Variants in PTPRZ1 observed in about 807,000 individuals in gnomAD.
PTPRZ1 encodes receptor-type tyrosine-protein phosphatase zeta.
In PTPRZ1, 82 loss-of-function variants were observed where a neutral mutation model predicts 214.1. The observed-to-expected ratio is 0.38, with a 90% confidence interval of 0.32 to 0.46. The LOEUF is 0.46. PTPRZ1 is among the 20% of genes least tolerant of loss of function. The pLI is 1.00. For synonymous variants in PTPRZ1, 945 were observed against 987.9 expected (o/e 0.96, Z 0.81); for missense variants, 2,603 against 2,748.7 (o/e 0.95, Z 1.19).
At position 121,967,930 on chromosome 7, in the gene PTPRZ1, C is replaced by G. The variant is rs960542400; in HGVS notation, c.125-21C>G. On this transcript the variant is annotated intron_variant, in intron 2 of 29. Transcript: ENST00000393386. ...CATGGTAATTTAAGAAACTAAATTT[C>G]TTACTCCTTCTTTTCCCTAGGAGCA... The G allele has an allele frequency of 2.0e-6, 3 of 1,497,578 alleles. No individual in the cohort carries two copies. In the African/African-American group the frequency reaches 4.3e-5, roughly 21 times the overall value. The allele number at this position is 1,497,578 out of a possible 1,614,324, so 92.8% of individuals were successfully genotyped here.
At chr7:121,881,222 C>A (rs1230457347) in intron 1 of PTPRZ1, among the ~76,000 whole-genome samples, 1 of 152,186 alleles carries the variant, frequency 6.6e-6, no homozygotes, top group Non-Finnish European at 1.5e-5. Flanking sequence ...CATCTGCAAT[C>A]CAGAAAGAGA....
chr7:122,047,674 G>C (rs933762827), intron 23 of PTPRZ1, among the ~76,000 whole-genome samples: 1 of 150,372 alleles, frequency 6.7e-6, no homozygotes, highest in Non-Finnish European at 1.5e-5. Flanking sequence ...TCTGAGACAG[G>C]GTCTCACTCT....
chr7:122,022,861 G>T (rs1214512108), intron 13 of PTPRZ1, among the ~76,000 whole-genome samples: 1 of 152,140 alleles, frequency 6.6e-6, no homozygotes, highest in Non-Finnish European at 1.5e-5. Flanking sequence ...GTCTGGTACT[G>T]CCATAAGAAT....
chr7:121,887,437 A>T (rs1474831794), intron 1 of PTPRZ1, among the ~76,000 whole-genome samples: 1 of 152,088 alleles, frequency 6.6e-6, no homozygotes, highest in East Asian at 1.9e-4. Flanking sequence ...TTCACCCTCA[A>T]ATTCACTCAA....
intron 10 of PTPRZ1, among the ~76,000 whole-genome samples, chr7:122,003,783 G>A (rs983027350): frequency 2.6e-5 from 4 of 152,172 alleles, no homozygotes; most frequent in South Asian, 2.1e-4. Context: ...TTCTCTGGCC[G>A]CTCAGTAACG....
chr7:122,017,579 T>TTTATTTATTTA (rs1343590297), intron 12 of PTPRZ1, among the ~76,000 whole-genome samples: 1 of 55,668 alleles, frequency 1.8e-5, no homozygotes, highest in South Asian at 5.9e-4. Flanking sequence ...TTATTTATTT[T>TTTATTTATTTA]GAGATAGAGT....
At chr7:121,952,115 T>A (rs1369774477) in intron 2 of PTPRZ1, among the ~76,000 whole-genome samples, 2 of 151,934 alleles carry the variant, frequency 1.3e-5, no homozygotes, top group East Asian at 3.9e-4. Context: ...CCCACCACCA[T>A]GCCTGGCTAA....
At chr7:121,923,701 G>GA (rs1012024403) in intron 1 of PTPRZ1, among the ~76,000 whole-genome samples, 1 of 151,122 alleles carries the variant, frequency 6.6e-6, no homozygotes, top group South Asian at 2.1e-4. Flanking sequence ...TAACTTGGTG[G>GA]GGGGGTGGTA....
At chr7:122,044,594 A>T in intron 23 of PTPRZ1, 26 bp downstream of exon 23, 1 of 1,608,946 alleles carries the variant, frequency 6.2e-7, no homozygotes, top group South Asian at 1.1e-5. Context: ...AGCCTCTTGG[A>T]TGTCACTACA....
chr7:121,942,064 A>T lies in PTPRZ1; in HGVS notation c.124+13843A>T, dbSNP rs577390290. ...CAAGCTCAGTGAGAATCAATTTCTC[A>T]TAGATGATTGCCTGAATCACTGCCA... On this transcript the variant is annotated intron_variant, in intron 2 of 29. Coordinates refer to ENST00000393386, the MANE Select transcript of PTPRZ1 (RefSeq NM_002851.3). Among the ~76,000 whole-genome samples the T allele has an allele frequency of 2.0e-5, 3 of 152,290 alleles. No individual in the cohort carries two copies. In the South Asian group the frequency reaches 6.2e-4, roughly 32 times the overall value.
chr7:122,061,010 T>C, intron 29 of PTPRZ1, 70 bp from the exon 30 acceptor site: 2 of 1,435,122 alleles, frequency 1.4e-6, no homozygotes, highest in Non-Finnish European at 1.9e-6. Context: ...TCTAAAAATA[T>C]TTCTTCTTTT....
chr7:121,892,949 A>T (rs2116223970), intron 1 of PTPRZ1, among the ~76,000 whole-genome samples: 1 of 152,038 alleles, frequency 6.6e-6, no homozygotes, highest in Non-Finnish European at 1.5e-5. Context: ...AAATATTCAG[A>T]AATAACAAAA....
Position 122,040,974 on chromosome 7 carries a change from C to A in PTPRZ1, c.5796C>A (p.His1932Gln), listed in dbSNP as rs371838082. The change falls in exon 21 of 30, where the codon CAC (histidine) becomes CAA (glutamine). Residue 1932 changes from histidine to glutamine, a missense_variant. His to Gln is a conservative substitution (Grantham distance 24). Around this residue, in one of 6 missense-constraint regions of PTPRZ1, gnomAD observed 1,913 missense variants for 1,914.3 expected, o/e 1.00. Coordinates refer to ENST00000393386, the MANE Select transcript of PTPRZ1 (RefSeq NM_002851.3). Reference sequence around the variant, plus strand: ...ATGCAGTGGGGCCTGTTGTCGTCCACTGCAGGTGAGTCTCAGAGATGTGCC... The same window carrying A: ...ATGCAGTGGGGCCTGTTGTCGTCCAATGCAGGTGAGTCTCAGAGATGTGCC... ...KRHAVGPVVV[H>Q]CSAGVGRTGT... 1.3e-6 allele frequency: 2 copies of A among 1,545,650 alleles called. No homozygotes were observed. The highest frequency in any genetic ancestry group is 1.8e-6 in the Non-Finnish European group (2 of 1,136,604).
rs753192298 is a variant in PTPRZ1 at position 121,997,944 on chromosome 7, C to G, written c.1178C>G (p.Thr393Ser). 2.5e-6 allele frequency: 4 copies of G among 1,612,832 alleles called. No homozygotes were observed. In the East Asian group the frequency reaches 8.9e-5, roughly 36 times the overall value. ...GTTCTTCAGATAGTAGCCATATGCACTAATGGCTTATATGGAAAATACAGC... is the reference window on the plus strand; with the variant it reads ...GTTCTTCAGATAGTAGCCATATGCAGTAATGGCTTATATGGAAAATACAGC... ...SYVLQIVAIC[T>S]NGLYGKYSDQ... The change falls in exon 10 of 30, where the codon ACT (threonine) becomes AGT (serine). Residue 393 changes from threonine to serine, a missense_variant. Physicochemically the swap from Thr to Ser is moderately conservative, Grantham distance 58 (BLOSUM62 1). Coordinates refer to ENST00000393386, the MANE Select transcript of PTPRZ1 (RefSeq NM_002851.3).
At chr7:122,033,931 A>T (rs1799460223) in intron 15 of PTPRZ1, 164 bp from the exon 16 acceptor site, 1 of 594,024 alleles carries the variant, frequency 1.7e-6, no homozygotes, top group South Asian at 2.5e-5. Flanking sequence ...TTTGATTTGC[A>T]TGCAACTGTT....
chr7:122,044,537 C>T lies in PTPRZ1; in HGVS notation c.6053C>T (p.Ala2018Val). Residue 2018 changes from alanine (A) to valine (V), a missense_variant, in exon 23 of 30, where the codon GCA (alanine) becomes GTA (valine). This residue lies in a region of PTPRZ1 where 1,913 missense variants were observed against 1,914.3 expected (regional missense o/e 1.00). Transcript: ENST00000393386. ...YVNALLIPGP[A>V]GKTKLEKQFQ... is the part of the protein sequence containing the mutation. ...AATGCACTCCTCATTCCTGGACCAGCAGGCAAAACAAAGCTAGAGAAACAA... is the reference window on the plus strand; with the variant it reads ...AATGCACTCCTCATTCCTGGACCAGTAGGCAAAACAAAGCTAGAGAAACAA... 5.6e-6 allele frequency: 9 copies of T among 1,613,766 alleles called. No individual in the cohort carries two copies. The highest frequency in any genetic ancestry group is 1.3e-5 in the African/African-American group (1 of 75,026).
rs528559289 is a variant in PTPRZ1, at chr7:122,027,154, G to A, written c.4989-1398G>A. ...ATCAGGGGAAAACTCAGAGGGAGCG[G>A]CATTTGGGCCAATGCAAAAGTGATG... On this transcript the variant is annotated intron_variant, in intron 13 of 29. Coordinates refer to ENST00000393386, the MANE Select transcript of PTPRZ1 (RefSeq NM_002851.3). Among the ~76,000 whole-genome samples the A allele has an allele frequency of 3.3e-5, 5 of 152,312 alleles. No homozygotes were observed. In the East Asian group the frequency reaches 7.7e-4, roughly 23 times the overall value.
chr7:121,998,381 T>A lies in PTPRZ1; in HGVS notation c.1240+375T>A, dbSNP rs542062620. On this transcript the variant is annotated intron_variant, in intron 10 of 29. Coordinates refer to ENST00000393386, the MANE Select transcript of PTPRZ1 (RefSeq NM_002851.3). Reference sequence around the variant, plus strand: ...CCTCTTTTCAGCCCCCAAAGCATTATGTAGTAAGTGTATACATGATCCTAA... The same window carrying A: ...CCTCTTTTCAGCCCCCAAAGCATTAAGTAGTAAGTGTATACATGATCCTAA... Among the ~76,000 whole-genome samples, 3 of 152,302 alleles carry A rather than the reference T, an allele frequency of 2.0e-5. No homozygotes were observed. In the East Asian group the frequency reaches 5.8e-4, roughly 29 times the overall value.
intron 1 of PTPRZ1, among the ~76,000 whole-genome samples, chr7:121,923,710 T>G (rs1205850452): frequency 1.3e-5 from 2 of 151,538 alleles, no homozygotes; most frequent in Non-Finnish European, 2.9e-5. Context: ...GGGGGGGTGG[T>G]AAAAATTTTG....
Sources: allele counts gnomAD v4.1 joint callset (sites outside exome capture counted in the v4.1 genomes callset), GRCh38; gene constraint gnomAD v4.1.1; regional missense constraint gnomAD v4.1.1; transcripts MANE v1.5; gene names NCBI Gene and HGNC (gene_info 2026-07-23, HGNC 2026-07-21).